The following KCNH1 variants were observed in gnomAD, a reference collection of about 807,000 sequenced individuals.
KCNH1 encodes the protein voltage-gated delayed rectifier potassium channel KCNH1.
A neutral mutation model predicts 69.2 loss-of-function variants in KCNH1; 27 were observed. The ratio of observed to expected loss-of-function variants is 0.39; its 90% CI spans 0.29 to 0.54. KCNH1 has a LOEUF of 0.54. KCNH1 is among the 20% of genes least tolerant of loss of function. KCNH1 has a pLI of 0.68. For synonymous variants in KCNH1, 456 were observed against 487.7 expected (o/e 0.93, Z 0.86); for missense variants, 798 against 1,261.6 (o/e 0.63, Z 5.57).
At position 210,683,117 on chromosome 1, in the gene KCNH1, C is replaced by CT; in HGVS notation, c.*163dup. The CT allele has an allele frequency of 1.4e-6, 1 of 733,312 alleles. No individual in the cohort carries two copies. The highest frequency in any genetic ancestry group is 2.3e-6 in the Non-Finnish European group (1 of 437,780). 45.4% of individuals were successfully genotyped at this position (733,312 alleles called of 1,614,324 possible). Reference sequence around the variant, plus strand: ...TAGGGGCACGCTACCCTTCCCATATCTTTTTCCAGATAGAGAAAGAGCACG... The same window carrying CT: ...TAGGGGCACGCTACCCTTCCCATATCTTTTTTCCAGATAGAGAAAGAGCACG... On this transcript the variant is annotated 3_prime_UTR_variant, in exon 11 of 11. Transcript: ENST00000271751. The surrounding 1 kb of genome is among the most constrained non-coding windows in gnomAD (Gnocchi z 5.7).
At chr1:210,802,278 T>G (rs1256309155) in intron 8 of KCNH1, among the ~76,000 whole-genome samples, 2 of 152,248 alleles carry the variant, frequency 1.3e-5, no homozygotes, top group Non-Finnish European at 2.9e-5. Flanking sequence ...CCTTTTAAAC[T>G]GTCAACTCTC....
Position 211,050,761 on chromosome 1 carries a change from C to G in KCNH1, c.559-31505G>C, listed in dbSNP as rs75935167. Among the ~76,000 whole-genome samples, 57 of 152,128 alleles carry G rather than the reference C, an allele frequency of 3.7e-4. 1 individual carries two copies. In the South Asian group the frequency reaches 0.011, roughly 31 times the overall value. ...AATCAAGTCAGTCATGAATAGTTTT[C>G]CATTATCCATGATCAAGGTAGAAAG... On this transcript the variant is annotated intron_variant, in intron 5 of 10. Transcript: ENST00000271751.
chr1:210,741,077 C>T (rs1221971939), intron 10 of KCNH1, among the ~76,000 whole-genome samples: 2 of 152,174 alleles, frequency 1.3e-5, no homozygotes, highest in African/African-American at 4.8e-5. Context: ...GACACATGCT[C>T]ATTTAAATTG....
intron 10 of KCNH1, among the ~76,000 whole-genome samples, chr1:210,698,167 T>G (rs2149009196): frequency 6.6e-6 from 1 of 152,286 alleles, no homozygotes; most frequent in Middle Eastern, 3.4e-3. Flanking sequence ...ACAGTTTAGC[T>G]TTCCCATTCC....
intron 6 of KCNH1, among the ~76,000 whole-genome samples, chr1:210,955,300 T>C (rs1251703348): frequency 6.6e-6 from 1 of 152,246 alleles, no homozygotes; most frequent in Non-Finnish European, 1.5e-5. Flanking sequence ...TTTTCACTAC[T>C]GTAGCCTTGT....
In KCNH1 at chr1:210,881,140, C is replaced by T. The variant is rs192375394; in HGVS notation, c.1462+38500G>A. Among the ~76,000 whole-genome samples the T allele has an allele frequency of 1.6e-3, 240 of 152,072 alleles. 1 individual carries two copies. The highest frequency in any genetic ancestry group is 3.4e-3 in the Middle Eastern group (1 of 294). On this transcript the variant is annotated intron_variant, in intron 7 of 10. Coordinates refer to ENST00000271751, the MANE Select transcript of KCNH1 (RefSeq NM_172362.3). Reference sequence around the variant, plus strand: ...TCAAGCGATTCTCGTGCCTCAGCTTCCCAAGGCATGCTCCATCATTCCTGG... The same window carrying T: ...TCAAGCGATTCTCGTGCCTCAGCTTTCCAAGGCATGCTCCATCATTCCTGG...
intron 5 of KCNH1, among the ~76,000 whole-genome samples, chr1:211,049,575 C>G (rs74366550): frequency 0.018 from 2,800 of 152,134 alleles, 38 homozygotes; most frequent in Middle Eastern, 0.031. Flanking sequence ...CTTGATGTGC[C>G]CTTGATGCAC....
At chr1:211,092,571 A>G (rs1168058699) in intron 3 of KCNH1, among the ~76,000 whole-genome samples, 5 of 152,222 alleles carry the variant, frequency 3.3e-5, no homozygotes, top group Admixed American at 3.3e-4. Flanking sequence ...AAGTGTTTTG[A>G]AAGAAAATTC....
At chr1:210,920,369 C>A (rs963231709) in intron 6 of KCNH1, among the ~76,000 whole-genome samples, 12 of 152,012 alleles carry the variant, frequency 7.9e-5, no homozygotes, top group African/African-American at 2.9e-4. Flanking sequence ...TCATTACTTA[C>A]TTTAAAAAAT....
chr1:210,705,530 C>T (rs1247903870), intron 10 of KCNH1, among the ~76,000 whole-genome samples: 2 of 152,138 alleles, frequency 1.3e-5, no homozygotes, highest in East Asian at 3.9e-4. Flanking sequence ...GCCAGAGGGT[C>T]GACCCTGGCC....
At chr1:211,114,715 A>G (rs1289071449) in intron 1 of KCNH1, among the ~76,000 whole-genome samples, 2 of 152,194 alleles carry the variant, frequency 1.3e-5, no homozygotes, top group Non-Finnish European at 2.9e-5. Flanking sequence ...CCAAATGCAC[A>G]CAGATGGGCG....
intron 7 of KCNH1, among the ~76,000 whole-genome samples, chr1:210,863,859 A>G (rs1434483216): frequency 6.6e-6 from 1 of 152,106 alleles, no homozygotes; most frequent in African/African-American, 2.4e-5. Flanking sequence ...AGTACTCTTG[A>G]ACTCTGTCAA....
chr1:210,791,275 C>T (rs753438321), intron 9 of KCNH1, among the ~76,000 whole-genome samples: 1 of 152,186 alleles, frequency 6.6e-6, no homozygotes, highest in Admixed American at 6.5e-5. Context: ...AAACATCAAG[C>T]GGTGACTGCC....
At chr1:211,083,086 T>C (rs573851111) in intron 4 of KCNH1, among the ~76,000 whole-genome samples, 188 bp from the exon 5 acceptor site, 1 of 152,220 alleles carries the variant, frequency 6.6e-6, no homozygotes, top group South Asian at 2.1e-4. Context: ...GCAACTTGCT[T>C]TTCCCCTGCA....
intron 5 of KCNH1, among the ~76,000 whole-genome samples, chr1:211,052,136 A>G (rs1690218504): frequency 6.6e-6 from 1 of 152,216 alleles, no homozygotes; most frequent in African/African-American, 2.4e-5. Context: ...ATAAATACAT[A>G]CACAAAACAG....
At chr1:210,723,313 G>T (rs576406972) in intron 10 of KCNH1, among the ~76,000 whole-genome samples, 2 of 150,634 alleles carry the variant, frequency 1.3e-5, no homozygotes, top group Middle Eastern at 3.4e-3. Context: ...ATGTTCTTTT[G>T]TTAGGAGGAC....
intron 6 of KCNH1, among the ~76,000 whole-genome samples, chr1:210,962,730 CT>C (rs1688316701): frequency 6.6e-6 from 1 of 151,662 alleles, no homozygotes; most frequent in African/African-American, 2.4e-5. Context: ...GAACATGCCC[CT>C]GATGCAACTT....
At chr1:210,812,211 T>C (rs1684718330) in intron 7 of KCNH1, among the ~76,000 whole-genome samples, 1 of 152,180 alleles carries the variant, frequency 6.6e-6, no homozygotes, top group South Asian at 2.1e-4. Flanking sequence ...GATCACCTTT[T>C]CTGGAATAAG....
intron 7 of KCNH1, among the ~76,000 whole-genome samples, chr1:210,872,200 T>G (rs1377423681): frequency 6.6e-6 from 1 of 151,238 alleles, no homozygotes; most frequent in Non-Finnish European, 1.5e-5. Context: ...TTAAGTACTT[T>G]ATATAGTGCC....
Sources: gnomAD v4.1 joint callset for allele counts (sites outside exome capture counted in the v4.1 genomes callset) on GRCh38, gnomAD v4.1.1 for gene constraint, Gnocchi (gnomAD v3.1) non-coding constraint, MANE v1.5 for transcripts, NCBI Gene and HGNC (gene_info 2026-07-23, HGNC 2026-07-21) for gene names.